SERGEF: variants seen among roughly 807,000 people sequenced by gnomAD.
The protein encoded by SERGEF is secretion regulating guanine nucleotide exchange factor, also known as secretion-regulating guanine nucleotide exchange factor.
In SERGEF, 51 loss-of-function variants were observed where a neutral mutation model predicts 50.0. The ratio of observed to expected loss-of-function variants is 1.02; its 90% CI spans 0.81 to 1.29. The LOEUF (loss-of-function observed/expected upper bound fraction) is 1.29. SERGEF is among the 50% of genes most tolerant of loss of function. SERGEF has a pLI of 0.00. For missense variants in SERGEF, 521 were observed against 557.0 expected, an observed-to-expected ratio of 0.94 and a Z score of 0.65; for synonymous variants, 205 against 212.4, an observed-to-expected ratio of 0.97 and a Z score of 0.30.
intron 8 of SERGEF, among the ~76,000 whole-genome samples, chr11:17,967,379 G>A (rs1328269881): frequency 6.6e-6 from 1 of 152,158 alleles, no homozygotes; most frequent in East Asian, 1.9e-4. Flanking sequence ...AGAGTCACAG[G>A]GACACACACG....
chr11:17,815,142 G>A (rs1029552114), intron 10 of SERGEF, among the ~76,000 whole-genome samples: 1 of 152,042 alleles, frequency 6.6e-6, no homozygotes, highest in Admixed American at 6.6e-5. Context: ...AGCTACCATC[G>A]GGCCACCACA....
At chr11:17,858,490 C>A (rs537799175) in intron 10 of SERGEF, among the ~76,000 whole-genome samples, 1 of 152,252 alleles carries the variant, frequency 6.6e-6, no homozygotes, top group South Asian at 2.1e-4. Context: ...AAATATTGAT[C>A]TCTGGAAGTT....
At chr11:17,791,262 A>T (rs535188825) in intron 10 of SERGEF, among the ~76,000 whole-genome samples, 1 of 152,214 alleles carries the variant, frequency 6.6e-6, no homozygotes, top group Non-Finnish European at 1.5e-5. Context: ...CTCTCTAATT[A>T]TTTTCTCAAA....
At chr11:17,955,142 T>A (rs1267077209) in intron 9 of SERGEF, among the ~76,000 whole-genome samples, 2 of 152,220 alleles carry the variant, frequency 1.3e-5, no homozygotes, top group Non-Finnish European at 2.9e-5. Context: ...CTGATATCCT[T>A]CTATCTTTGC....
chr11:17,939,297 G>T (rs1043746564), intron 9 of SERGEF, among the ~76,000 whole-genome samples: 19 of 152,134 alleles, frequency 1.2e-4, no homozygotes, highest in Non-Finnish European at 1.8e-4. Flanking sequence ...GGAAACATAA[G>T]TTATTTGCTT....
rs928808234 is a variant in SERGEF at position 17,973,972 on chromosome 11, C to T, written c.845-14336G>A. Among the ~76,000 whole-genome samples the T allele has an allele frequency of 3.3e-5, 5 of 152,074 alleles. No homozygotes were observed. The East Asian group carries it at 7.7e-4, about 23-fold the overall frequency. On this transcript the variant is annotated intron_variant, in intron 8 of 10. Coordinates refer to ENST00000265965, the MANE Select transcript of SERGEF (RefSeq NM_012139.4). The stretch of plus-strand genomic sequence containing the variant: ...GAAGATAATCAGGAGACTTAGAGTC[C>T]CAGTAATTCCAAAGTAGGGGGTTGG...
rs759868465 is a variant in SERGEF, at chr11:18,012,933, G to A, written c.60+18C>T. ...CGCCCCTCAGGGCCTGCACCGGCCC[G>A]GGGGCGGAGTCACGTACCCAGGCGA... is the stretch of plus-strand genomic sequence containing the variant. On this transcript the variant is annotated intron_variant, in intron 1 of 10. Transcript: ENST00000265965. 3 of 1,517,890 alleles carry A rather than the reference G, an allele frequency of 2.0e-6. No individual in the cohort carries two copies. The highest frequency in any genetic ancestry group is 1.8e-6 in the Non-Finnish European group (2 of 1,141,258). The allele number at this position is 1,517,890 out of a possible 1,614,324, so 94.0% of individuals were successfully genotyped here. A position where few individuals can be genotyped will look rare whatever the true frequency, so the allele number is the denominator to read the frequency against.
intron 9 of SERGEF, among the ~76,000 whole-genome samples, chr11:17,950,913 T>A (rs1852761859): frequency 1.3e-5 from 2 of 152,062 alleles, no homozygotes; most frequent in Admixed American, 1.3e-4. Context: ...ACATATGAGG[T>A]CACTAGGACT....
chr11:17,906,791 C>T (rs912758456), intron 9 of SERGEF, among the ~76,000 whole-genome samples: 7 of 140,618 alleles, frequency 5.0e-5, no homozygotes, highest in African/African-American at 1.1e-4. Context: ...ATTAAACTGA[C>T]GTAATTTCCA....
chr11:17,969,935 T>G (rs1479745824), intron 8 of SERGEF, among the ~76,000 whole-genome samples: 14 of 152,234 alleles, frequency 9.2e-5, no homozygotes, highest in Non-Finnish European at 2.1e-4. Flanking sequence ...TACCCAATCA[T>G]TTGCTTCTAG....
chr11:17,921,962 G>T (rs1852164813), intron 9 of SERGEF, among the ~76,000 whole-genome samples: 1 of 152,120 alleles, frequency 6.6e-6, no homozygotes, highest in Admixed American at 6.5e-5. Context: ...AGCTTGCCTT[G>T]TAGCCCACTT....
At chr11:17,942,024 T>C (rs1590210113) in intron 9 of SERGEF, among the ~76,000 whole-genome samples, 1 of 57,966 alleles carries the variant, frequency 1.7e-5, no homozygotes, top group South Asian at 4.5e-4. Context: ...TATAGCAAAT[T>C]TGAAGTCGGG....
chr11:17,793,104 G>A (rs1462126974), intron 10 of SERGEF, among the ~76,000 whole-genome samples: 2 of 152,186 alleles, frequency 1.3e-5, no homozygotes, highest in African/African-American at 4.8e-5. Context: ...GTTGCCATGA[G>A]GAGGAGCAAT....
chr11:17,812,353 CT>C (rs1849891796), intron 10 of SERGEF, among the ~76,000 whole-genome samples: 1 of 152,234 alleles, frequency 6.6e-6, no homozygotes, highest in African/African-American at 2.4e-5. Flanking sequence ...TGGGCCTCCC[CT>C]CCTGCTGTAT....
intron 8 of SERGEF, among the ~76,000 whole-genome samples, chr11:17,976,196 G>A (rs755562488): frequency 1.3e-5 from 2 of 152,066 alleles, no homozygotes; most frequent in Non-Finnish European, 2.9e-5. Context: ...TCTCTGATTG[G>A]GCAAGAGTTG....
At chr11:17,883,204 T>C (rs886124167) in intron 9 of SERGEF, among the ~76,000 whole-genome samples, 4 of 152,060 alleles carry the variant, frequency 2.6e-5, no homozygotes, top group African/African-American at 9.7e-5. Context: ...CAGTTAAAAC[T>C]CTCCTAGGGG....
At chr11:17,862,726 G>A (rs915572536) in intron 10 of SERGEF, among the ~76,000 whole-genome samples, 18 of 152,224 alleles carry the variant, frequency 1.2e-4, no homozygotes, top group Admixed American at 2.0e-4. Context: ...GTGAGTCTGA[G>A]TTTTGCAGAT....
chr11:17,893,697 C>A (rs929485836), intron 9 of SERGEF, among the ~76,000 whole-genome samples: 5 of 152,190 alleles, frequency 3.3e-5, no homozygotes, highest in African/African-American at 4.8e-5. Context: ...GCTCAACTCT[C>A]ATATGATGTG....
At chr11:17,924,558 G>C (rs938899522) in intron 9 of SERGEF, among the ~76,000 whole-genome samples, 7 of 152,156 alleles carry the variant, frequency 4.6e-5, no homozygotes, top group Non-Finnish European at 8.8e-5. Context: ...GCAGGGTTTT[G>C]AGTAAGAGAG....
Sources: gnomAD v4.1 joint callset for allele counts (sites outside exome capture counted in the v4.1 genomes callset) on GRCh38, gnomAD v4.1.1 for gene constraint, MANE v1.5 for transcripts, NCBI Gene and HGNC (gene_info 2026-07-23, HGNC 2026-07-21) for gene names.